Variants in PITPNC1 observed in about 807,000 individuals in gnomAD.
PITPNC1 encodes cytoplasmic phosphatidylinositol transfer protein 1.
Under a neutral mutation model 44.7 loss-of-function variants are expected in PITPNC1, and 18 were observed. The ratio of observed to expected loss-of-function variants is 0.40; its 90% CI spans 0.28 to 0.60. The LOEUF (loss-of-function observed/expected upper bound fraction) is 0.60. PITPNC1 is among the 20% of genes least tolerant of loss of function. The pLI is 0.39. For synonymous variants in PITPNC1, 141 were observed against 149.6 expected (o/e 0.94, Z 0.42); for missense variants, 290 against 418.4 (o/e 0.69, Z 2.68).
chr17:67,672,630 A>C (rs2042534956), intron 7 of PITPNC1, among the ~76,000 whole-genome samples: 1 of 149,758 alleles, frequency 6.7e-6, no homozygotes. Context: ...AATAATAATA[A>C]TTTAAAAGGC....
At chr17:67,658,916 C>G (rs556278475) in intron 6 of PITPNC1, among the ~76,000 whole-genome samples, 1 of 152,282 alleles carries the variant, frequency 6.6e-6, no homozygotes, top group East Asian at 1.9e-4. Context: ...TTACGTGCAA[C>G]TATCAGAGGT....
intron 1 of PITPNC1, among the ~76,000 whole-genome samples, chr17:67,470,508 G>T (rs2039506186): frequency 6.6e-6 from 1 of 152,200 alleles, no homozygotes; most frequent in African/African-American, 2.4e-5. Flanking sequence ...GTAGTCTCTT[G>T]TGTCTCACTT....
Position 67,425,203 on chromosome 17 carries a change from GCACACACACACACACACACACACACACA to G in PITPNC1, c.48+47034_48+47061del, listed in dbSNP as rs60705271. On this transcript the variant is annotated intron_variant, in intron 1 of 8. Coordinates refer to ENST00000581322, the MANE Select transcript of PITPNC1 (RefSeq NM_012417.4). The stretch of plus-strand genomic sequence containing the variant: ...CCATGTTGTGCGCGCGCACGCACAC[GCACACACACACACACACACACACACACA>G]CACACACACACACACACACACACAC... Among the ~76,000 whole-genome samples, 171 of 98,740 alleles carry G rather than the reference GCACACACACACACACACACACACACACA, an allele frequency of 1.7e-3. 6 individuals are homozygous for G. Among genetic ancestry groups the G allele is most frequent in the South Asian group, 0.016 (41 of 2,506 alleles). The allele number at this position is 98,740 out of a possible 152,430, so 64.8% of individuals were successfully genotyped here.
intron 6 of PITPNC1, among the ~76,000 whole-genome samples, chr17:67,645,994 G>A (rs1029860154): frequency 6.6e-6 from 1 of 152,130 alleles, no homozygotes; most frequent in Non-Finnish European, 1.5e-5. Context: ...GCGTGGTGGC[G>A]GGTGCCTGTA....
intron 1 of PITPNC1, among the ~76,000 whole-genome samples, chr17:67,444,674 A>G (rs543171122): frequency 1.3e-5 from 2 of 152,200 alleles, no homozygotes; most frequent in African/African-American, 4.8e-5. Flanking sequence ...AGGCAGGAGG[A>G]TCGCCCAAGG....
At chr17:67,513,395 ATAT>A (rs1568021471) in intron 1 of PITPNC1, among the ~76,000 whole-genome samples, 6 of 147,714 alleles carry the variant, frequency 4.1e-5, no homozygotes, top group African/African-American at 1.5e-4. Flanking sequence ...ATCTATATCT[ATAT>A]CTATATCTAC....
Position 67,676,376 on chromosome 17 carries a change from G to A in PITPNC1, c.682+834G>A, listed in dbSNP as rs917810160. On this transcript the variant is annotated intron_variant, in intron 8 of 8. Coordinates refer to ENST00000581322, the MANE Select transcript of PITPNC1 (RefSeq NM_012417.4). This position sits in a 1 kb window ranked among gnomAD's most constrained non-coding sequence, Gnocchi z 4.0. ...AGAGTTAAACAATTTCTACACATTT[G>A]CAGCAAATGAAAACAAGGTTAGCTT... Among the ~76,000 whole-genome samples, 3 of 151,784 alleles carry A rather than the reference G, an allele frequency of 2.0e-5. No homozygotes were observed. The highest frequency in any genetic ancestry group is 2.9e-5 in the Non-Finnish European group (2 of 67,968).
intron 4 of PITPNC1, among the ~76,000 whole-genome samples, chr17:67,555,720 T>C (rs1460659439): frequency 2.0e-5 from 3 of 148,720 alleles, no homozygotes; most frequent in Non-Finnish European, 4.4e-5. Flanking sequence ...GGCGGGCGCC[T>C]ATAATCCCAG....
intron 1 of PITPNC1, among the ~76,000 whole-genome samples, chr17:67,444,282 T>C (rs1440072583): frequency 1.3e-5 from 2 of 152,056 alleles, no homozygotes; most frequent in African/African-American, 2.4e-5. Context: ...GAGATCACAA[T>C]AGGCCGAGAT....
chr17:67,428,540 A>G (rs1300508704), intron 1 of PITPNC1, among the ~76,000 whole-genome samples: 2 of 146,282 alleles, frequency 1.4e-5, no homozygotes, highest in Middle Eastern at 3.5e-3. Flanking sequence ...CTCAAAAAGA[A>G]AAAAAAAAAA....
In PITPNC1 at chr17:67,416,644, C is replaced by T. The variant is rs77753128; in HGVS notation, c.48+38442C>T. Among the ~76,000 whole-genome samples, 1,144 of 152,290 alleles carry T rather than the reference C, an allele frequency of 7.5e-3. 11 individuals are homozygous for T. Among genetic ancestry groups the T allele is most frequent in the African/African-American group, 0.026 (1,068 of 41,556 alleles). Reference sequence around the variant, plus strand: ...ATCCTGGTTCCCAGGTGCAGGGATGCTGTTGCACTGGCATAGGTTCCTGGC... The same window carrying T: ...ATCCTGGTTCCCAGGTGCAGGGATGTTGTTGCACTGGCATAGGTTCCTGGC... On this transcript the variant is annotated intron_variant, in intron 1 of 8. Transcript: ENST00000581322.
intron 5 of PITPNC1, among the ~76,000 whole-genome samples, chr17:67,618,489 G>A (rs1338954833): frequency 6.6e-6 from 1 of 151,634 alleles, no homozygotes; most frequent in Non-Finnish European, 1.5e-5. Context: ...AGTGGCTCAC[G>A]CCTGTAATCC....
chr17:67,491,059 T>A (rs1231963602), intron 1 of PITPNC1, among the ~76,000 whole-genome samples: 1 of 152,242 alleles, frequency 6.6e-6, no homozygotes, highest in Non-Finnish European at 1.5e-5. Context: ...AGTCCTGCCC[T>A]GGGCACCAGG....
At chr17:67,394,157 G>T (rs903918577) in intron 1 of PITPNC1, among the ~76,000 whole-genome samples, 3 of 151,856 alleles carry the variant, frequency 2.0e-5, no homozygotes, top group Non-Finnish European at 4.4e-5. Flanking sequence ...TTTTAAAGAG[G>T]GAGTTTAGTA....
At chr17:67,441,946 G>C (rs1165535515) in intron 1 of PITPNC1, among the ~76,000 whole-genome samples, 4 of 151,864 alleles carry the variant, frequency 2.6e-5, no homozygotes, top group Non-Finnish European at 5.9e-5. Flanking sequence ...AGGAGAATGG[G>C]ATTGTAACCC....
chr17:67,665,192 G>C (rs578231744), intron 6 of PITPNC1, among the ~76,000 whole-genome samples: 2 of 152,076 alleles, frequency 1.3e-5, no homozygotes, highest in Non-Finnish European at 2.9e-5. Flanking sequence ...TCCTGGGCTC[G>C]AGTGATCCTC....
chr17:67,609,909 C>T (rs1487500715), intron 5 of PITPNC1, among the ~76,000 whole-genome samples: 1 of 152,156 alleles, frequency 6.6e-6, no homozygotes, highest in Non-Finnish European at 1.5e-5. Context: ...ATTCCGGCTA[C>T]CATGGCCCTA....
At chr17:67,380,452 G>A (rs2037941045) in intron 1 of PITPNC1, among the ~76,000 whole-genome samples, 1 of 152,176 alleles carries the variant, frequency 6.6e-6, no homozygotes, top group African/African-American at 2.4e-5. Flanking sequence ...ATTCTTTAAT[G>A]TATAATTCAT....
At chr17:67,649,159 C>CA (rs1439890689) in intron 6 of PITPNC1, among the ~76,000 whole-genome samples, 3 of 152,228 alleles carry the variant, frequency 2.0e-5, no homozygotes, top group East Asian at 1.9e-4. Flanking sequence ...GACACACACA[C>CA]AAAAAATAGT....
Sources: gnomAD v4.1 joint callset for allele counts (sites outside exome capture counted in the v4.1 genomes callset) on GRCh38, gnomAD v4.1.1 for gene constraint, Gnocchi (gnomAD v3.1) non-coding constraint, MANE v1.5 for transcripts, NCBI Gene and HGNC (gene_info 2026-07-23, HGNC 2026-07-21) for gene names.